The following SNTG1 variants were observed in gnomAD, a reference collection of about 807,000 sequenced individuals.
SNTG1 encodes gamma-1-syntrophin.
A neutral mutation model predicts 74.7 loss-of-function variants in SNTG1; 39 were observed. The ratio of observed to expected loss-of-function variants is 0.52; its 90% CI spans 0.40 to 0.68. The LOEUF (loss-of-function observed/expected upper bound fraction) is 0.68. Ranked by LOEUF, SNTG1 falls within the 30% of genes least tolerant of loss-of-function variation. The pLI, the probability that SNTG1 is intolerant of heterozygous loss-of-function variation, is 0.00. For synonymous variants in SNTG1, 254 were observed against 217.1 expected, an observed-to-expected ratio of 1.17 and a Z score of -1.49; for missense variants, 685 against 609.5, an observed-to-expected ratio of 1.12 and a Z score of -1.30.
intron 1 of SNTG1, among the ~76,000 whole-genome samples, chr8:50,050,545 T>C (rs1029340644): frequency 2.6e-5 from 4 of 152,192 alleles, no homozygotes; most frequent in South Asian, 4.1e-4. Context: ...GATTGAATTA[T>C]AAGTAAAAAC....
intron 2 of SNTG1, among the ~76,000 whole-genome samples, chr8:50,205,360 A>G (rs1053265359): frequency 6.6e-6 from 1 of 152,184 alleles, no homozygotes; most frequent in Non-Finnish European, 1.5e-5. Context: ...TGGCTGCACA[A>G]AATGTCTTCT....
At chr8:50,773,129 C>A (rs1024003356) in intron 18 of SNTG1, among the ~76,000 whole-genome samples, 1 of 152,118 alleles carries the variant, frequency 6.6e-6, no homozygotes, top group Non-Finnish European at 1.5e-5. Context: ...TACTTGACCT[C>A]ACTCAGACCT....
chr8:50,675,955 G>A (rs1312954863), intron 15 of SNTG1, among the ~76,000 whole-genome samples: 1 of 151,114 alleles, frequency 6.6e-6, no homozygotes, highest in Non-Finnish European at 1.5e-5. Context: ...GTTGAATATT[G>A]GTTCCCAATC....
intron 13 of SNTG1, among the ~76,000 whole-genome samples, chr8:50,620,239 C>T (rs147268038): frequency 3.9e-5 from 6 of 152,234 alleles, no homozygotes; most frequent in African/African-American, 1.4e-4. Flanking sequence ...TGTCTCTCTC[C>T]ATCTTTAAAA....
intron 4 of SNTG1, among the ~76,000 whole-genome samples, chr8:50,406,298 G>T (rs1241621525): frequency 2.0e-5 from 3 of 151,954 alleles, no homozygotes; most frequent in Non-Finnish European, 2.9e-5. Context: ...GATAATTTTT[G>T]ATAGTATTGT....
chr8:50,597,378 TAC>T (rs201785624), intron 13 of SNTG1, among the ~76,000 whole-genome samples: 2 of 131,220 alleles, frequency 1.5e-5, no homozygotes, highest in Admixed American at 8.1e-5. Context: ...CATGTATATA[TAC>T]ACATATATAC....
chr8:50,273,976 T>C (rs566666381), intron 2 of SNTG1, among the ~76,000 whole-genome samples: 22 of 152,322 alleles, frequency 1.4e-4, no homozygotes, highest in African/African-American at 5.3e-4. Flanking sequence ...GTGCACCTAC[T>C]TAATTAAATA....
At chr8:50,558,833 A>C (rs1315271233) in intron 12 of SNTG1, among the ~76,000 whole-genome samples, 2 of 152,202 alleles carry the variant, frequency 1.3e-5, no homozygotes, top group African/African-American at 2.4e-5. Flanking sequence ...AAGAAAATTC[A>C]ACAAAATAAA....
intron 2 of SNTG1, among the ~76,000 whole-genome samples, chr8:50,282,539 G>T (rs2088527465): frequency 6.6e-6 from 1 of 152,004 alleles, no homozygotes; most frequent in South Asian, 2.1e-4. Flanking sequence ...TCCCCCAAGG[G>T]TCTCTGTTAG....
At chr8:50,283,064 G>A (rs2088568286) in intron 2 of SNTG1, among the ~76,000 whole-genome samples, 1 of 152,140 alleles carries the variant, frequency 6.6e-6, no homozygotes, top group Non-Finnish European at 1.5e-5. Context: ...GCTCCAAGCT[G>A]TAGTTTAAGG....
chr8:50,592,448 T>C lies in SNTG1; in HGVS notation c.849+1531T>C, dbSNP rs1055338395. Among the ~76,000 whole-genome samples, 4 of 152,276 alleles carry C rather than the reference T, an allele frequency of 2.6e-5. No homozygotes were observed. In the East Asian group the frequency reaches 7.7e-4, roughly 29 times the overall value. Reference sequence around the variant, plus strand: ...ATTCCGCTGATAGCCCCAAAGCTATTCTGTAATCAATGACAACTACAGCTA... The same window carrying C: ...ATTCCGCTGATAGCCCCAAAGCTATCCTGTAATCAATGACAACTACAGCTA... On this transcript the variant is annotated intron_variant, in intron 13 of 18. Coordinates refer to ENST00000642720, the MANE Select transcript of SNTG1 (RefSeq NM_018967.5).
intron 11 of SNTG1, among the ~76,000 whole-genome samples, chr8:50,537,395 T>C (rs1234966801): frequency 6.6e-6 from 1 of 152,202 alleles, no homozygotes; most frequent in East Asian, 1.9e-4. Context: ...CCCAGCAGCA[T>C]AGTTGGTCTA....
chr8:50,398,681 C>T (rs538127783), intron 3 of SNTG1, among the ~76,000 whole-genome samples: 55 of 152,278 alleles, frequency 3.6e-4, no homozygotes, highest in Non-Finnish European at 6.9e-4. Flanking sequence ...AATCCCAGCA[C>T]TTTGGGAGGC....
In SNTG1 at chr8:50,607,208, G is replaced by T. The variant is rs759888677; in HGVS notation, c.849+16291G>T. ...TGGGAATGTATATGATCTGGTATCAGAGTAATGGTAGCTTTGTAGATTGAA... is the reference window on the plus strand; with the variant it reads ...TGGGAATGTATATGATCTGGTATCATAGTAATGGTAGCTTTGTAGATTGAA... On this transcript the variant is annotated intron_variant, in intron 13 of 18. Transcript: ENST00000642720. Among the ~76,000 whole-genome samples, 141 of 151,946 alleles carry T rather than the reference G, an allele frequency of 9.3e-4. 2 individuals carry two copies. The highest frequency in any genetic ancestry group is 9.3e-4 in the Non-Finnish European group (63 of 67,760).
intron 1 of SNTG1, among the ~76,000 whole-genome samples, chr8:49,989,148 T>G (rs1188687211): frequency 6.6e-6 from 1 of 151,858 alleles, no homozygotes; most frequent in Non-Finnish European, 1.5e-5. Flanking sequence ...TATAGAAAAT[T>G]GGGGAAACCA....
intron 15 of SNTG1, among the ~76,000 whole-genome samples, chr8:50,665,194 G>T (rs1201200442): frequency 1.3e-5 from 2 of 152,054 alleles, no homozygotes; most frequent in Admixed American, 6.6e-5. Context: ...AATGAGGAGG[G>T]TATTCAGAGT....
chr8:50,638,979 G>C (rs1018013654), intron 13 of SNTG1, among the ~76,000 whole-genome samples: 7 of 152,012 alleles, frequency 4.6e-5, no homozygotes, highest in Non-Finnish European at 4.4e-5. Context: ...TATGCTAAAA[G>C]CTGAAAAATG....
intron 13 of SNTG1, among the ~76,000 whole-genome samples, chr8:50,618,032 C>T (rs2094896957): frequency 6.6e-6 from 1 of 152,160 alleles, no homozygotes. Context: ...CAGACAGCAA[C>T]TTCTCAATTA....
chr8:50,673,722 G>A (rs2095296531), intron 15 of SNTG1, among the ~76,000 whole-genome samples: 1 of 152,074 alleles, frequency 6.6e-6, no homozygotes, highest in Non-Finnish European at 1.5e-5. Context: ...TGTTGAATAG[G>A]AGTGGTGAGA....
Sources: allele counts gnomAD v4.1 joint callset (sites outside exome capture counted in the v4.1 genomes callset), GRCh38; gene constraint gnomAD v4.1.1; transcripts MANE v1.5; gene names NCBI Gene and HGNC (gene_info 2026-07-23, HGNC 2026-07-21).